FLNB: variants seen among roughly 807,000 people sequenced by gnomAD.
FLNB encodes the protein filamin B, also known as filamin-B.
A neutral mutation model predicts 250.6 loss-of-function variants in FLNB; 111 were observed. The ratio of observed to expected loss-of-function variants is 0.44; its 90% CI spans 0.38 to 0.52. FLNB has a LOEUF of 0.52. Among genes scored for constraint, FLNB ranks in the 20% least tolerant of loss-of-function variants. FLNB has a pLI of 0.00. For synonymous variants in FLNB, 1,302 were observed against 1,372.1 expected, an observed-to-expected ratio of 0.95 and a Z score of 1.13; for missense variants, 2,869 against 3,447.8, an observed-to-expected ratio of 0.83 and a Z score of 4.20.
chr3:58,073,464 T>A (rs2097197539), intron 1 of FLNB, among the ~76,000 whole-genome samples: 1 of 152,166 alleles, frequency 6.6e-6, no homozygotes, highest in South Asian at 2.1e-4. Context: ...GCTCCTTGAT[T>A]GACCACAGGA....
At chr3:58,117,492 G>C (rs561854801) in intron 18 of FLNB, among the ~76,000 whole-genome samples, 2 of 152,294 alleles carry the variant, frequency 1.3e-5, no homozygotes, top group Middle Eastern at 6.8e-3. Flanking sequence ...AAGACCTCTG[G>C]TTAGCCTGAG....
chr3:58,147,538 C>T (rs2097337685), intron 34 of FLNB, among the ~76,000 whole-genome samples: 2 of 152,168 alleles, frequency 1.3e-5, no homozygotes, highest in East Asian at 1.9e-4. Context: ...GTTTCCCCAC[C>T]GTATTTAGAC....
At chr3:58,155,199 G>A (rs1428593532) in intron 40 of FLNB, among the ~76,000 whole-genome samples, 1 of 152,214 alleles carries the variant, frequency 6.6e-6, no homozygotes, top group African/African-American at 2.4e-5. Flanking sequence ...ACCAGCCTCT[G>A]TCTGCCCACC....
intron 15 of FLNB, 32 bp downstream of exon 15, chr3:58,109,731 A>C: frequency 1.2e-6 from 2 of 1,613,920 alleles, no homozygotes; most frequent in Non-Finnish European, 1.7e-6. Context: ...CCCAGTGATC[A>C]TTGCTCCGTG....
intron 34 of FLNB, 42 bp from the exon 35 acceptor site, chr3:58,148,164 A>G: frequency 6.2e-7 from 1 of 1,608,004 alleles, no homozygotes; most frequent in Non-Finnish European, 8.5e-7. Flanking sequence ...AAGCCAGGGT[A>G]ACCACATGTA....
chr3:58,016,178 GC>G (rs56169625), intron 1 of FLNB, among the ~76,000 whole-genome samples: 16,886 of 151,858 alleles, frequency 0.11, 1,762 homozygotes, highest in East Asian at 0.44. Context: ...TCCTGCCTGA[GC>G]CTCCCAAGTA....
In FLNB at chr3:58,134,731, G is replaced by A; in HGVS notation, c.4630G>A (p.Ala1544Thr). ...ASLPVDFAID[A>T]RDAGEGLLAV... ...TCTACCTGTGGACTTTGCAATTGAT[G>A]CCCGAGATGCCGGGGAAGGCCTGCT... The change falls in exon 27 of 46, where the codon GCC becomes ACC. Residue 1544 changes from alanine to threonine, a missense_variant. Transcript: ENST00000295956. 1 of 1,614,178 alleles carries A rather than the reference G, an allele frequency of 6.2e-7. No individual in the cohort carries two copies. The highest frequency in any genetic ancestry group is 2.2e-5 in the East Asian group (1 of 44,880).
chr3:58,132,209 C>T (rs932705517), intron 25 of FLNB: 72 of 591,604 alleles, frequency 1.2e-4, no homozygotes, highest in Admixed American at 3.3e-4. Context: ...TGCAACCCAA[C>T]GCGTGCCTTG....
At chr3:58,100,428 T>C (rs983549183) in intron 8 of FLNB, among the ~76,000 whole-genome samples, 2 of 139,140 alleles carry the variant, frequency 1.4e-5, no homozygotes, top group African/African-American at 5.5e-5. Flanking sequence ...TCACTCTGTC[T>C]TTTGGGCTGG....
At chr3:58,009,301 CGG>C (rs2097094890) in intron 1 of FLNB, among the ~76,000 whole-genome samples, 1 of 152,118 alleles carries the variant, frequency 6.6e-6, no homozygotes, top group Non-Finnish European at 1.5e-5. Context: ...GGCGTTGGCT[CGG>C]AGGCCGGGCC....
At chr3:58,108,759 A>G (rs1241154224) in intron 13 of FLNB, among the ~76,000 whole-genome samples, 188 bp downstream of exon 13, 3 of 152,216 alleles carry the variant, frequency 2.0e-5, no homozygotes, top group Non-Finnish European at 4.4e-5. Context: ...GGCTTTAAAA[A>G]AATCAGCTTT....
At chr3:58,158,594 G>A (rs1311675325) in intron 41 of FLNB, among the ~76,000 whole-genome samples, 1 of 152,208 alleles carries the variant, frequency 6.6e-6, no homozygotes, top group African/African-American at 2.4e-5. Flanking sequence ...GTGGCTGTCC[G>A]ACCAAGTCTA....
chr3:58,125,328 T>C (rs963829958), intron 22 of FLNB, among the ~76,000 whole-genome samples: 2 of 152,176 alleles, frequency 1.3e-5, no homozygotes, highest in South Asian at 4.1e-4. Context: ...AGATGGGGTC[T>C]CGCCATGTTG....
At chr3:58,011,252 A>G (rs1037574077) in intron 1 of FLNB, among the ~76,000 whole-genome samples, 17 of 151,482 alleles carry the variant, frequency 1.1e-4, no homozygotes, top group Non-Finnish European at 2.5e-4. Context: ...GGCCCTAGCT[A>G]CTCCCATTGT....
At chr3:58,069,020 G>T (rs567832071) in intron 1 of FLNB, among the ~76,000 whole-genome samples, 8 of 151,802 alleles carry the variant, frequency 5.3e-5, no homozygotes, top group Non-Finnish European at 8.8e-5. Flanking sequence ...GCATGTGCCT[G>T]TAGTCCTAGC....
At chr3:58,085,870 C>A (rs1485539482) in intron 4 of FLNB, among the ~76,000 whole-genome samples, 1 of 152,186 alleles carries the variant, frequency 6.6e-6, no homozygotes, top group Non-Finnish European at 1.5e-5. Flanking sequence ...CCATGGTTAG[C>A]CACGGGTGAC....
At chr3:58,065,736 C>T (rs746290913) in intron 1 of FLNB, among the ~76,000 whole-genome samples, 67 of 152,218 alleles carry the variant, frequency 4.4e-4, no homozygotes, top group Non-Finnish European at 8.1e-4. Context: ...GAGGGATTCC[C>T]TGTGGGGTGC....
chr3:58,087,051 C>T (rs925181095), intron 4 of FLNB, among the ~76,000 whole-genome samples: 1 of 152,146 alleles, frequency 6.6e-6, no homozygotes, highest in African/African-American at 2.4e-5. Flanking sequence ...GTGGAGGTTG[C>T]AGTGAACCGA....
At chr3:58,008,917 C>A in intron 1 of FLNB, 61 bp downstream of exon 1, 3 of 1,595,050 alleles carry the variant, frequency 1.9e-6, no homozygotes, top group Non-Finnish European at 1.7e-6. Flanking sequence ...CGCGCGTGCA[C>A]CCCTGCGGAG....
Sources: gnomAD v4.1 joint callset for allele counts (sites outside exome capture counted in the v4.1 genomes callset) on GRCh38, gnomAD v4.1.1 for gene constraint, MANE v1.5 for transcripts, NCBI Gene and HGNC (gene_info 2026-07-23, HGNC 2026-07-21) for gene names.